DNAH2: variants seen among roughly 807,000 people sequenced by gnomAD.
The protein encoded by DNAH2 is dynein axonemal heavy chain 2, also known as axonemal beta dynein heavy chain 2.
In DNAH2, 323 loss-of-function variants were observed where a neutral mutation model predicts 523.5. The observed-to-expected ratio is 0.62, with a 90% CI of 0.56 to 0.68. The LOEUF is 0.68. Among genes scored for constraint, DNAH2 ranks in the 30% least tolerant of loss-of-function variants. DNAH2 has a pLI of 0.00. For synonymous variants in DNAH2, 2,093 were observed against 2,177.4 expected, an observed-to-expected ratio of 0.96 and a Z score of 1.08; for missense variants, 4,907 against 5,701.5, an observed-to-expected ratio of 0.86 and a Z score of 4.49.
Position 7,719,729 on chromosome 17 carries a change from T to C in DNAH2, c.-6T>C. ...CTCCTGTATACCTGTAGGTTTTGCC[T>C]GCACGATGTCCAGCAAAGCTGAGAA... On this transcript the variant is annotated 5_prime_UTR_variant, in exon 2 of 86. Coordinates refer to ENST00000572933, the MANE Select transcript of DNAH2 (RefSeq NM_020877.5). The C allele has an allele frequency of 6.2e-7, 1 of 1,614,232 alleles. No homozygotes were observed.
At position 7,792,708 on chromosome 17, in the gene DNAH2, C is replaced by A; in HGVS notation, c.7197C>A (p.Asn2399Lys). 1.9e-6 allele frequency: 3 copies of A among 1,614,200 alleles called. No homozygotes were observed. Among genetic ancestry groups the A allele is most frequent in the Non-Finnish European group, 2.5e-6 (3 of 1,180,028 alleles). The stretch of plus-strand genomic sequence containing the variant: ...CCACCGTCGACACTGTTCGCTACAA[C>A]TACCTGGTGAGCAGCTTGGTGGCCA... ...MVPTVDTVRY[N>K]YLVSSLVANQ... Residue 2399 changes from asparagine (N) to lysine (K), a missense_variant, in exon 47 of 86, where the codon AAC (asparagine) becomes AAA (lysine). This residue lies in a region of DNAH2 where 2,806 missense variants were observed against 3,190.8 expected (regional missense o/e 0.88). Coordinates refer to ENST00000572933, the MANE Select transcript of DNAH2 (RefSeq NM_020877.5).
intron 21 of DNAH2, 53 bp downstream of exon 21, chr17:7,765,618 C>T (rs759619936): frequency 2.0e-5 from 31 of 1,562,482 alleles, no homozygotes; most frequent in Non-Finnish European, 2.5e-5. Flanking sequence ...AGAGACCCCG[C>T]CTTCCAAGCC....
In DNAH2 at chr17:7,760,615, G is replaced by C. The variant is rs918091464; in HGVS notation, c.2786-125G>C. Reference sequence around the variant, plus strand: ...TACTCCTTTACCTTCTAATGTGCATGTTTGAGCTGTATTTCTCTGGGAAGC... The same window carrying C: ...TACTCCTTTACCTTCTAATGTGCATCTTTGAGCTGTATTTCTCTGGGAAGC... On this transcript the variant is annotated intron_variant, in intron 17 of 85. Transcript: ENST00000572933. The surrounding 1 kb of genome is among the most constrained non-coding windows in gnomAD (Gnocchi z 4.0). 7.0e-6 allele frequency: 6 copies of C among 859,882 alleles called. No homozygotes were observed. In the African/African-American group the frequency reaches 1.0e-4, roughly 15 times the overall value. The allele number at this position is 859,882 out of a possible 1,614,324, so 53.3% of individuals were successfully genotyped here. A position where few individuals can be genotyped will look rare whatever the true frequency, so the allele number is the denominator to read the frequency against.
At position 7,751,920 on chromosome 17, in the gene DNAH2, G is replaced by GGTGTGT. The variant is rs1555544367; in HGVS notation, c.1905-5149_1905-5144dup. 4.9e-3 allele frequency among the ~76,000 whole-genome samples: 711 copies of GGTGTGT among 145,966 alleles called. 3 individuals are homozygous for GGTGTGT. The highest frequency in any genetic ancestry group is 0.014 in the Middle Eastern group (4 of 284). On this transcript the variant is annotated intron_variant, in intron 12 of 85. Coordinates refer to ENST00000572933, the MANE Select transcript of DNAH2 (RefSeq NM_020877.5). ...TGAGTCTTTCCAAGAATAGTTGTGG[G>GGTGTGT]GTGTGTGTGTGTGTGTGTGTGTGTG...
chr17:7,800,236 AG>A (rs1027274568), intron 56 of DNAH2, among the ~76,000 whole-genome samples: 2 of 152,094 alleles, frequency 1.3e-5, no homozygotes, highest in Non-Finnish European at 2.9e-5. Context: ...CTTTTAGTAG[AG>A]ACAGGGTTTC....
chr17:7,794,630 C>G (rs184601332), intron 49 of DNAH2, among the ~76,000 whole-genome samples: 37 of 152,304 alleles, frequency 2.4e-4, no homozygotes, highest in Admixed American at 1.2e-3. Flanking sequence ...GAAGGTAGAT[C>G]CTACAAAGCC....
rs372088124 is a variant in DNAH2, at chr17:7,739,900, G to T, written c.1338G>T (p.Leu446=). The T allele has an allele frequency of 2.5e-6, 4 of 1,613,862 alleles. No individual in the cohort carries two copies. The highest frequency in any genetic ancestry group is 2.2e-5 in the East Asian group (1 of 44,892). The change falls in exon 9 of 86, where the codon CTG becomes CTT. Residue 446 remains leucine, a synonymous_variant. Transcript: ENST00000572933. ...TGCGAGCCGTTCGCGGGGGTATCCT[G>T]GATGTCAAGAACACCTGTTGGCATG... ...HTLRAVRGGI[L]DVKNTCWHED...
In DNAH2 at chr17:7,758,475, C is replaced by T. The variant is rs1167317367; in HGVS notation, c.2052-20C>T. 6.2e-7 allele frequency: 1 copy of T among 1,605,566 alleles called. No homozygotes were observed. ...TTCAGGGCTTGTCCCCTCTGGATAC[C>T]AGGCCTCTCTTATGCACAGGATTAT... On this transcript the variant is annotated intron_variant, in intron 13 of 85. Transcript: ENST00000572933.
At chr17:7,759,298 G>A (rs2075937623) in intron 15 of DNAH2, 124 bp from the exon 16 acceptor site, 1 of 1,442,456 alleles carries the variant, frequency 6.9e-7, no homozygotes. Context: ...TCTTCCTCCA[G>A]GACTCAGCGT....
chr17:7,821,107 G>A lies in DNAH2; in HGVS notation c.11016-136G>A, dbSNP rs2077839684. On this transcript the variant is annotated intron_variant, in intron 72 of 85. Coordinates refer to ENST00000572933, the MANE Select transcript of DNAH2 (RefSeq NM_020877.5). This position sits in a 1 kb window ranked among gnomAD's most constrained non-coding sequence, Gnocchi z 5.0. ...TGTCTAGGCCCCTGAGTCCTCAGCT[G>A]TTTCCAGGAGGTTAGGATTAGAGGC... is the stretch of plus-strand genomic sequence containing the variant. The A allele has an allele frequency of 2.4e-6, 3 of 1,260,690 alleles. No individual in the cohort carries two copies. Among genetic ancestry groups the A allele is most frequent in the Admixed American group, 4.9e-5 (2 of 40,498 alleles). The allele number at this position is 1,260,690 out of a possible 1,614,324, so 78.1% of individuals were successfully genotyped here. A position where few individuals can be genotyped will look rare whatever the true frequency, so the allele number is the denominator to read the frequency against.
In DNAH2 at chr17:7,807,723, C is replaced by A; in HGVS notation, c.9729+137C>A. On this transcript the variant is annotated intron_variant, in intron 63 of 85. Coordinates refer to ENST00000572933, the MANE Select transcript of DNAH2 (RefSeq NM_020877.5). This position sits in a 1 kb window ranked among gnomAD's most constrained non-coding sequence, Gnocchi z 5.6. Reference sequence around the variant, plus strand: ...TGCCATTCCAGTCCTGTCTCCTTCCCACTCTGTGCCCTGTTTAGACTGGGC... The same window carrying A: ...TGCCATTCCAGTCCTGTCTCCTTCCAACTCTGTGCCCTGTTTAGACTGGGC... The A allele has an allele frequency of 2.6e-6, 2 of 757,646 alleles. No homozygotes were observed. The highest frequency in any genetic ancestry group is 2.7e-5 in the East Asian group (1 of 37,380). 46.9% of individuals were successfully genotyped at this position (757,646 alleles called of 1,614,324 possible).
chr17:7,763,720 A>G (rs1192972105), intron 18 of DNAH2, 111 bp from the exon 19 acceptor site: 1 of 1,306,388 alleles, frequency 7.7e-7, no homozygotes, highest in African/African-American at 1.4e-5. Flanking sequence ...AACACTCTAG[A>G]ACTGCTGCCC....
intron 48 of DNAH2, 103 bp from the exon 49 acceptor site, chr17:7,794,151 C>T: frequency 1.3e-6 from 1 of 744,564 alleles, no homozygotes; most frequent in Non-Finnish European, 2.1e-6. Context: ...CTTTGTCCCT[C>T]CTCGCACTGT....
intron 72 of DNAH2, among the ~76,000 whole-genome samples, chr17:7,820,860 G>C (rs908840808): frequency 6.6e-6 from 1 of 152,160 alleles, no homozygotes; most frequent in Non-Finnish European, 1.5e-5. Context: ...CCAACATGGT[G>C]AAACCCCATC....
intron 63 of DNAH2, among the ~76,000 whole-genome samples, chr17:7,812,942 ACT>A (rs1470268203): frequency 1.4e-5 from 2 of 142,978 alleles, no homozygotes; most frequent in East Asian, 3.9e-4. Flanking sequence ...CAAGAGTGAG[ACT>A]CTGTGTCAAA....
At chr17:7,823,362 A>AGAGT in intron 73 of DNAH2, 80 bp from the exon 74 acceptor site, 2 of 1,428,230 alleles carry the variant, frequency 1.4e-6, no homozygotes, top group Non-Finnish European at 1.9e-6. Context: ...AGAGAGAGAG[A>AGAGT]GAGAGAGAGG....
intron 64 of DNAH2, among the ~76,000 whole-genome samples, 192 bp downstream of exon 64, chr17:7,816,927 T>C (rs2077687116): frequency 6.6e-6 from 1 of 152,154 alleles, no homozygotes; most frequent in Non-Finnish European, 1.5e-5. Context: ...GAAAGGCTTT[T>C]TGCATTATTA....
In DNAH2 at chr17:7,830,848, G is replaced by T; in HGVS notation, c.12230+6G>T. The T allele has an allele frequency of 6.2e-7, 1 of 1,613,872 alleles. No individual in the cohort carries two copies. The highest frequency in any genetic ancestry group is 8.5e-7 in the Non-Finnish European group (1 of 1,179,976). On this transcript the variant is annotated splice_donor_region_variant and intron_variant, in intron 79 of 85. Transcript: ENST00000572933. ...CTATCAACTCCCTTCCACCGGTGAG[G>T]GGGAGGTGGCCCTGGACAGGGAGCC...
chr17:7,811,366 A>G (rs2077512776), intron 63 of DNAH2, among the ~76,000 whole-genome samples: 1 of 152,226 alleles, frequency 6.6e-6, no homozygotes, highest in South Asian at 2.1e-4. Context: ...GAAATTCGAC[A>G]TCAACTAATC....
Sources: gnomAD v4.1 joint callset for allele counts (sites outside exome capture counted in the v4.1 genomes callset) on GRCh38, gnomAD v4.1.1 for gene constraint, gnomAD v4.1.1 regional missense constraint, Gnocchi (gnomAD v3.1) non-coding constraint, MANE v1.5 for transcripts, NCBI Gene and HGNC (gene_info 2026-07-23, HGNC 2026-07-21) for gene names.